The following CALN1 variants were observed in gnomAD, a reference collection of about 807,000 sequenced individuals.
CALN1 encodes calcium-binding protein 8.
CALN1 carries 17 observed loss-of-function variants against 30.6 expected under a neutral mutation model. The ratio of observed to expected loss-of-function variants is 0.56; its 90% CI spans 0.38 to 0.83. The LOEUF is 0.83. Ranked by LOEUF, CALN1 falls within the 40% of genes least tolerant of loss-of-function variation. The pLI is 0.00. For synonymous variants in CALN1, 156 were observed against 131.4 expected (o/e 1.19, Z -1.28); for missense variants, 291 against 354.9 (o/e 0.82, Z 1.45).
intron 3 of CALN1, among the ~76,000 whole-genome samples, chr7:72,209,535 T>C (rs923058903): frequency 3.2e-5 from 3 of 94,470 alleles, no homozygotes; most frequent in Non-Finnish European, 7.1e-5. Flanking sequence ...TCCCTCCCTC[T>C]CTCCGCCCTC....
At chr7:72,381,769 A>G (rs1200559147) in intron 2 of CALN1, among the ~76,000 whole-genome samples, 1 of 152,184 alleles carries the variant, frequency 6.6e-6, no homozygotes, top group Non-Finnish European at 1.5e-5. Flanking sequence ...TAAAACCTAG[A>G]TGACGGGTTG....
chr7:72,075,449 C>G (rs986559814), intron 4 of CALN1, among the ~76,000 whole-genome samples: 2 of 152,200 alleles, frequency 1.3e-5, no homozygotes, highest in African/African-American at 4.8e-5. Flanking sequence ...GAAACAAAGT[C>G]TCTATCTTTA....
the CALN1 span, among the ~76,000 whole-genome samples, chr7:72,486,559 G>T: frequency 6.6e-6 from 1 of 151,988 alleles, no homozygotes; most frequent in Non-Finnish European, 1.5e-5. Context: ...TTTTGGTAGA[G>T]ACTGAGTTTC....
chr7:72,373,255 G>A (rs78380101), intron 2 of CALN1, among the ~76,000 whole-genome samples: 18 of 152,266 alleles, frequency 1.2e-4, no homozygotes, highest in Non-Finnish European at 1.9e-4. Context: ...AGAGCCTCAG[G>A]GGCCTGTGGA....
chr7:71,820,546 G>C (rs1788528794), intron 5 of CALN1, among the ~76,000 whole-genome samples: 1 of 152,168 alleles, frequency 6.6e-6, no homozygotes, highest in African/African-American at 2.4e-5. Context: ...ATTCACAATA[G>C]ACATAAAGTA....
chr7:71,827,771 T>TAAAAAAA (rs1554347602), intron 5 of CALN1, among the ~76,000 whole-genome samples: 13 of 96,940 alleles, frequency 1.3e-4, no homozygotes, highest in African/African-American at 4.0e-4. Flanking sequence ...GACTCCATCT[T>TAAAAAAA]AAAAAAATAA....
intron 6 of CALN1, among the ~76,000 whole-genome samples, chr7:71,809,464 CA>C (rs10682965): frequency 2.8e-5 from 3 of 108,402 alleles, no homozygotes; most frequent in South Asian, 3.6e-4. Context: ...TTTAAATGTT[CA>C]AAAAAAAAAA....
At position 72,096,238 on chromosome 7, in the gene CALN1, G is replaced by C. The variant is rs139251614; in HGVS notation, c.388+9913C>G. 7.7e-3 allele frequency among the ~76,000 whole-genome samples: 1,175 copies of C among 152,224 alleles called. 10 individuals are homozygous for C. Among genetic ancestry groups the C allele is most frequent in the African/African-American group, 0.027 (1,128 of 41,522 alleles). ...GGAGGAGAGAGGACACCAGGTCTCTGCACATGCAAGCACTTTGAGGGCCAC... is the reference window on the plus strand; with the variant it reads ...GGAGGAGAGAGGACACCAGGTCTCTCCACATGCAAGCACTTTGAGGGCCAC... On this transcript the variant is annotated intron_variant, in intron 4 of 6. Transcript: ENST00000395275.
the CALN1 span, among the ~76,000 whole-genome samples, chr7:72,480,168 G>A: frequency 6.6e-6 from 1 of 152,166 alleles, no homozygotes; most frequent in South Asian, 2.1e-4. Context: ...ATGGTGAGAG[G>A]GCCCCTTAAG....
In CALN1 at chr7:72,246,472, C is replaced by T. The variant is rs190939403; in HGVS notation, c.244+32214G>A. 6.6e-5 allele frequency among the ~76,000 whole-genome samples: 10 copies of T among 152,190 alleles called. No homozygotes were observed. In the East Asian group the frequency reaches 1.6e-3, roughly 24 times the overall value. ...GCCCCAGGAGCTGCCCTGTCCTGCC[C>T]CCAGTGTCACCTGCCAGGCTAACTT... On this transcript the variant is annotated intron_variant, in intron 3 of 6. Transcript: ENST00000395275.
intron 4 of CALN1, among the ~76,000 whole-genome samples, chr7:72,025,518 G>C (rs908054103): frequency 6.6e-6 from 1 of 152,084 alleles, no homozygotes; most frequent in East Asian, 1.9e-4. Context: ...TTCTTTCTTT[G>C]TTCAATTCAG....
intron 6 of CALN1, among the ~76,000 whole-genome samples, chr7:71,803,587 G>C (rs1168693451): frequency 6.6e-6 from 1 of 152,128 alleles, no homozygotes; most frequent in Non-Finnish European, 1.5e-5. Flanking sequence ...TGATTCTCCT[G>C]CCTCAGCCTC....
At chr7:71,795,954 G>A (rs1786888184) in intron 6 of CALN1, among the ~76,000 whole-genome samples, 1 of 151,040 alleles carries the variant, frequency 6.6e-6, no homozygotes, top group African/African-American at 2.4e-5. Flanking sequence ...GAGTAGCTGG[G>A]ACTACAGGCA....
At chr7:72,382,003 C>A (rs562876729) in intron 2 of CALN1, among the ~76,000 whole-genome samples, 1 of 152,006 alleles carries the variant, frequency 6.6e-6, no homozygotes, top group African/African-American at 2.4e-5. Context: ...CACAACTTGG[C>A]GAAATCAATG....
intron 2 of CALN1, among the ~76,000 whole-genome samples, chr7:72,365,861 T>C (rs978288847): frequency 2.0e-5 from 3 of 152,226 alleles, no homozygotes; most frequent in African/African-American, 7.2e-5. Flanking sequence ...TATGAAAACG[T>C]ACCCTCTCGC....
At chr7:71,963,669 T>TC (rs974772227) in intron 5 of CALN1, among the ~76,000 whole-genome samples, 40 of 152,200 alleles carry the variant, frequency 2.6e-4, no homozygotes, top group African/African-American at 9.6e-4. Flanking sequence ...CCACTTTTTT[T>TC]CCCTTACCCC....
chr7:72,299,148 G>A (rs1008869496), intron 2 of CALN1, among the ~76,000 whole-genome samples: 1 of 152,126 alleles, frequency 6.6e-6, no homozygotes, highest in African/African-American at 2.4e-5. Flanking sequence ...ATGGGCAACT[G>A]AAGGCGGCAG....
chr7:71,957,984 G>A (rs781564893), intron 5 of CALN1, among the ~76,000 whole-genome samples: 161 of 142,476 alleles, frequency 1.1e-3, no homozygotes, highest in Non-Finnish European at 1.8e-3. Flanking sequence ...AGAATCTCTT[G>A]AACCTGGGAG....
intron 5 of CALN1, among the ~76,000 whole-genome samples, chr7:72,018,320 G>A (rs371163373): frequency 6.6e-6 from 1 of 152,074 alleles, no homozygotes; most frequent in African/African-American, 2.4e-5. Context: ...TGAGCAGGAA[G>A]CCTACCCCCC....
Sources: allele counts gnomAD v4.1 joint callset (sites outside exome capture counted in the v4.1 genomes callset), GRCh38; gene constraint gnomAD v4.1.1; transcripts MANE v1.5; gene names NCBI Gene and HGNC (gene_info 2026-07-23, HGNC 2026-07-21).